The following DIAPH2 variants were observed in gnomAD, a reference collection of about 807,000 sequenced individuals.
DIAPH2 encodes protein diaphanous homolog 2.
In DIAPH2, 35 loss-of-function variants were observed where a neutral mutation model predicts 92.7. That is an observed-to-expected ratio of 0.38 (90% CI 0.29 to 0.50). The LOEUF (loss-of-function observed/expected upper bound fraction) is 0.50. Ranked by LOEUF, DIAPH2 falls within the 20% of genes least tolerant of loss-of-function variation. DIAPH2 has a pLI of 0.94. For synonymous variants in DIAPH2, 301 were observed against 280.4 expected, an observed-to-expected ratio of 1.07 and a Z score of -0.73; for missense variants, 701 against 819.5, an observed-to-expected ratio of 0.86 and a Z score of 1.77.
At chrX:96,736,198 T>C (rs2064086505) in intron 2 of DIAPH2, among the ~76,000 whole-genome samples, 1 of 111,685 alleles carries the variant, frequency 9.0e-6, no homozygotes, top group African/African-American at 3.3e-5. Context: ...AAAACCAGTA[T>C]TTTAAAGCTG....
At chrX:96,824,081 T>C (rs1359111401) in intron 4 of DIAPH2, among the ~76,000 whole-genome samples, 1 of 110,970 alleles carries the variant, frequency 9.0e-6, no homozygotes, top group Non-Finnish European at 1.9e-5. Flanking sequence ...TCTTAAACTT[T>C]AGACAGGACA....
chrX:96,782,243 T>G (rs1315513694), intron 4 of DIAPH2, among the ~76,000 whole-genome samples: 1 of 111,702 alleles, frequency 9.0e-6, no homozygotes, highest in Non-Finnish European at 1.9e-5. Context: ...GGACTACAGG[T>G]GCATGCCACC....
At chrX:96,731,242 A>G (rs2064053425) in intron 1 of DIAPH2, among the ~76,000 whole-genome samples, 1 of 111,062 alleles carries the variant, frequency 9.0e-6, no homozygotes, top group African/African-American at 3.3e-5. Flanking sequence ...TGACAAACAG[A>G]TGCATAGTAG....
At chrX:97,387,739 A>G (rs779309797) in intron 25 of DIAPH2, among the ~76,000 whole-genome samples, 2 of 112,122 alleles carry the variant, frequency 1.8e-5, no homozygotes, top group African/African-American at 3.2e-5. Flanking sequence ...ATTAACGATC[A>G]TGAGAGGGTG....
At chrX:97,345,353 G>T (rs2069147840) in intron 23 of DIAPH2, among the ~76,000 whole-genome samples, 1 of 111,317 alleles carries the variant, frequency 9.0e-6, no homozygotes, top group South Asian at 3.8e-4. Flanking sequence ...ATAGGAAGTG[G>T]GCATCTCACT....
At chrX:97,333,932 C>G (rs959918254) in intron 23 of DIAPH2, among the ~76,000 whole-genome samples, 20 of 110,772 alleles carry the variant, frequency 1.8e-4, no homozygotes, top group Admixed American at 1.9e-4. Flanking sequence ...CAGATGCTCT[C>G]CCTATGTCCA....
chrX:96,800,257 AT>A (rs35181829), intron 4 of DIAPH2, among the ~76,000 whole-genome samples: 9 of 108,391 alleles, frequency 8.3e-5, no homozygotes, highest in Middle Eastern at 9.6e-3. Flanking sequence ...CACAAGATAC[AT>A]TTTTTTTTCC....
At chrX:97,032,109 A>C (rs1272078155) in intron 17 of DIAPH2, among the ~76,000 whole-genome samples, 2 of 111,613 alleles carry the variant, frequency 1.8e-5, no homozygotes, top group Non-Finnish European at 3.8e-5. Context: ...TTTTATTCTA[A>C]AACTAACATG....
At chrX:96,901,482 A>T (rs1383809004) in intron 5 of DIAPH2, among the ~76,000 whole-genome samples, 15 of 31,742 alleles carry the variant, frequency 4.7e-4, no homozygotes, top group African/African-American at 8.8e-4. Flanking sequence ...GATCTTTGCT[A>T]TTTCTTTTCT....
Position 97,603,099 on chromosome X carries a change from T to C in DIAPH2, c.*3782T>C, listed in dbSNP as rs1004232145. On this transcript the variant is annotated 3_prime_UTR_variant, in exon 27 of 27. Coordinates refer to ENST00000324765, the MANE Select transcript of DIAPH2 (RefSeq NM_006729.5). ...TTGTCAAGACACACCCTTGGGCTTA[T>C]CTACAGAGCACACTTTTCTAACAGT... 2 of 108,144 alleles carry C rather than the reference T, an allele frequency of 1.8e-5. No individual in the cohort carries two copies. The highest frequency in any genetic ancestry group is 6.7e-5 in the African/African-American group (2 of 29,765). 8.9% of individuals were successfully genotyped at this position (108,144 alleles called of 1,213,427 possible).
chrX:97,568,078 T>C (rs1315426594), intron 26 of DIAPH2, among the ~76,000 whole-genome samples: 2 of 85,230 alleles, frequency 2.3e-5, no homozygotes, highest in African/African-American at 9.7e-5. Flanking sequence ...ATTGCGCCAT[T>C]GCATGCCAGC....
At chrX:97,254,581 A>G (rs1370726001) in intron 23 of DIAPH2, among the ~76,000 whole-genome samples, 2 of 109,160 alleles carry the variant, frequency 1.8e-5, no homozygotes, top group Non-Finnish European at 3.8e-5. Context: ...AGTTAATGTC[A>G]TATGCCAGCC....
chrX:96,858,641 G>A (rs2065054588), intron 4 of DIAPH2, among the ~76,000 whole-genome samples: 1 of 111,792 alleles, frequency 8.9e-6, no homozygotes, highest in South Asian at 3.7e-4. Flanking sequence ...CAGGTTCCTG[G>A]CCCAGCAAGG....
chrX:97,456,095 A>T (rs1316992082), intron 26 of DIAPH2, among the ~76,000 whole-genome samples: 2 of 112,585 alleles, frequency 1.8e-5, no homozygotes, highest in Non-Finnish European at 3.7e-5. Flanking sequence ...TGAACTTAAA[A>T]GCAATCCTCA....
intron 21 of DIAPH2, among the ~76,000 whole-genome samples, chrX:97,115,413 G>C (rs2067009672): frequency 9.0e-6 from 1 of 110,573 alleles, no homozygotes; most frequent in Admixed American, 9.7e-5. Context: ...ACGGGTACCT[G>C]TAATCCCAGC....
chrX:96,718,312 G>A (rs1419761261), intron 1 of DIAPH2, among the ~76,000 whole-genome samples: 2 of 33,479 alleles, frequency 6.0e-5, no homozygotes, highest in Middle Eastern at 0.026. Flanking sequence ...GTACTCCATT[G>A]TATATATGTA....
rs187164778 is a variant in DIAPH2 at position 97,538,199 on chromosome X, A to C, written c.3242-61054A>C. Among the ~76,000 whole-genome samples the C allele has an allele frequency of 1.4e-4, 16 of 111,679 alleles. No homozygotes were observed. In the East Asian group the frequency reaches 4.2e-3, roughly 29 times the overall value. ...GCGCCCAGCCAAGACTAAATTCTTGACATATAGAAACTGTGAGGTAATACA... is the reference window on the plus strand; with the variant it reads ...GCGCCCAGCCAAGACTAAATTCTTGCCATATAGAAACTGTGAGGTAATACA... On this transcript the variant is annotated intron_variant, in intron 26 of 26. Transcript: ENST00000324765.
intron 23 of DIAPH2, among the ~76,000 whole-genome samples, chrX:97,280,200 C>T (rs1022072270): frequency 1.4e-4 from 16 of 110,768 alleles, no homozygotes; most frequent in African/African-American, 4.9e-4. Flanking sequence ...TGCAGCCGGG[C>T]GCGGTGGCTC....
intron 1 of DIAPH2, among the ~76,000 whole-genome samples, chrX:96,712,652 A>G (rs2063925756): frequency 9.0e-6 from 1 of 111,548 alleles, no homozygotes; most frequent in African/African-American, 3.3e-5. Context: ...TGTCCTTATC[A>G]TCAACAATAC....
Sources: allele counts gnomAD v4.1 joint callset (sites outside exome capture counted in the v4.1 genomes callset), GRCh38; gene constraint gnomAD v4.1.1; transcripts MANE v1.5; gene names NCBI Gene and HGNC (gene_info 2026-07-23, HGNC 2026-07-21).